Variants in FARS2 observed in about 807,000 individuals in gnomAD.
The protein encoded by FARS2 is phenylalanine--tRNA ligase, mitochondrial.
A neutral mutation model predicts 46.4 loss-of-function variants in FARS2; 40 were observed. That is an observed-to-expected ratio of 0.86 (90% confidence interval 0.67 to 1.12). The LOEUF is 1.12. FARS2 is among the 50% of genes most tolerant of loss of function. The pLI is 0.00. For missense variants in FARS2, 513 were observed against 567.9 expected, an observed-to-expected ratio of 0.90 and a Z score of 0.98; for synonymous variants, 234 against 214.9, an observed-to-expected ratio of 1.09 and a Z score of -0.78.
chr6:5,425,458 A>G (rs73350601), intron 3 of FARS2, among the ~76,000 whole-genome samples: 1,623 of 152,302 alleles, frequency 0.011, 35 homozygotes, highest in African/African-American at 0.037. Context: ...AAATGTTTAT[A>G]GTATGTCAGA....
intron 2 of FARS2, among the ~76,000 whole-genome samples, chr6:5,404,267 C>T (rs557488023): frequency 2.0e-3 from 302 of 152,306 alleles, no homozygotes; most frequent in Non-Finnish European, 3.0e-3. Context: ...TTGTTGGGAA[C>T]TGACTATAAG....
intron 3 of FARS2, among the ~76,000 whole-genome samples, chr6:5,415,913 T>TC (rs1447348971): frequency 6.6e-6 from 1 of 151,976 alleles, no homozygotes; most frequent in Non-Finnish European, 1.5e-5. Context: ...CACTATATTG[T>TC]CCAGGCTGGT....
At chr6:5,331,106 A>T (rs1415463460) in intron 1 of FARS2, among the ~76,000 whole-genome samples, 2 of 149,248 alleles carry the variant, frequency 1.3e-5, no homozygotes, top group Non-Finnish European at 3.0e-5. Context: ...CTCCGTTTAA[A>T]AAAAAAAAAA....
rs1425598310 is a variant in FARS2, at chr6:5,502,978, G to A, written c.905-42202G>A. On this transcript the variant is annotated intron_variant, in intron 4 of 6. Transcript: ENST00000274680. ...TCATTTTGTCAAAGGTAACACACCT[G>A]ATTGTGCGTGTGATTGTAAATCCAT... Among the ~76,000 whole-genome samples, 5 of 152,130 alleles carry A rather than the reference G, an allele frequency of 3.3e-5. No individual in the cohort carries two copies. The East Asian group carries it at 9.6e-4, about 29-fold the overall frequency.
At chr6:5,631,710 T>A (rs1232545845) in intron 6 of FARS2, among the ~76,000 whole-genome samples, 1 of 152,244 alleles carries the variant, frequency 6.6e-6, no homozygotes, top group Non-Finnish European at 1.5e-5. Flanking sequence ...CTGTACCATG[T>A]GACCCGCTTT....
At chr6:5,405,693 C>T (rs1439351249) in intron 3 of FARS2, among the ~76,000 whole-genome samples, 5 of 151,766 alleles carry the variant, frequency 3.3e-5, no homozygotes, top group Non-Finnish European at 5.9e-5. Context: ...AGGGTTTCAC[C>T]GTGTTTGCCA....
chr6:5,669,201 C>T (rs914509337), intron 6 of FARS2, among the ~76,000 whole-genome samples: 1 of 152,168 alleles, frequency 6.6e-6, no homozygotes, highest in African/African-American at 2.4e-5. Flanking sequence ...CATTCCTTGA[C>T]ACGGAGCAGA....
chr6:5,402,243 A>G (rs1050505227), intron 2 of FARS2, among the ~76,000 whole-genome samples: 19 of 127,784 alleles, frequency 1.5e-4, no homozygotes, highest in Non-Finnish European at 1.7e-4. Flanking sequence ...TCTGAGTTAA[A>G]TCAATTCTCT....
At chr6:5,270,742 G>A (rs1765884986) in intron 1 of FARS2, among the ~76,000 whole-genome samples, 1 of 152,154 alleles carries the variant, frequency 6.6e-6, no homozygotes, top group African/African-American at 2.4e-5. Context: ...ATGAGACCCT[G>A]ACGACTATGG....
At chr6:5,709,281 G>C (rs1758950848) in intron 6 of FARS2, among the ~76,000 whole-genome samples, 1 of 151,654 alleles carries the variant, frequency 6.6e-6, no homozygotes, top group Non-Finnish European at 1.5e-5. Context: ...CCTGGCAGGT[G>C]GGCCCGAGCA....
chr6:5,344,008 C>T (rs1287190514), intron 1 of FARS2, among the ~76,000 whole-genome samples: 3 of 152,220 alleles, frequency 2.0e-5, no homozygotes, highest in African/African-American at 7.2e-5. Context: ...ACAGCTGTGC[C>T]TTCCGTGCTT....
chr6:5,678,102 G>A (rs963846292), intron 6 of FARS2, among the ~76,000 whole-genome samples: 26 of 152,152 alleles, frequency 1.7e-4, no homozygotes, highest in African/African-American at 6.0e-4. Context: ...CGTAGAAAGG[G>A]GGAACTCAGT....
At chr6:5,490,878 A>T (rs768864831) in intron 4 of FARS2, among the ~76,000 whole-genome samples, 2 of 152,214 alleles carry the variant, frequency 1.3e-5, no homozygotes, top group Non-Finnish European at 2.9e-5. Flanking sequence ...ATACCTCCAG[A>T]TGCCTGCAGC....
At chr6:5,383,315 C>T (rs1173449583) in intron 2 of FARS2, among the ~76,000 whole-genome samples, 1 of 152,184 alleles carries the variant, frequency 6.6e-6, no homozygotes, top group Non-Finnish European at 1.5e-5. Context: ...CTTTTTTACC[C>T]TTTAGGACTG....
At position 5,294,119 on chromosome 6, in the gene FARS2, A is replaced by T. The variant is rs146266406; in HGVS notation, c.-22+32459A>T. ...AATAAAGAGGTATGTTTTATAGTTA[A>T]TTCAGGAACAGGTGCCCTATTTGTG... On this transcript the variant is annotated intron_variant, in intron 1 of 6. Transcript: ENST00000274680. Among the ~76,000 whole-genome samples, 17 of 152,358 alleles carry T rather than the reference A, an allele frequency of 1.1e-4. No individual in the cohort carries two copies. The East Asian group carries it at 3.1e-3, about 28-fold the overall frequency.
chr6:5,731,580 C>A (rs1055983877), intron 6 of FARS2, among the ~76,000 whole-genome samples: 1 of 152,122 alleles, frequency 6.6e-6, no homozygotes, highest in African/African-American at 2.4e-5. Context: ...TTCTGTTGTA[C>A]CCTTTGATCT....
intron 1 of FARS2, among the ~76,000 whole-genome samples, chr6:5,274,347 A>G (rs1190412481): frequency 6.6e-6 from 1 of 152,196 alleles, no homozygotes; most frequent in Non-Finnish European, 1.5e-5. Context: ...TTTACCAGAT[A>G]CTTGTTTGTC....
intron 6 of FARS2, among the ~76,000 whole-genome samples, chr6:5,709,735 T>TGTGC (rs1759017181): frequency 2.6e-5 from 3 of 114,646 alleles, no homozygotes; most frequent in African/African-American, 9.8e-5. Flanking sequence ...TGGGGTTGTG[T>TGTGC]GTGTGTGTGT....
At chr6:5,401,767 T>C (rs528854567) in intron 2 of FARS2, among the ~76,000 whole-genome samples, 1 of 152,150 alleles carries the variant, frequency 6.6e-6, no homozygotes, top group Non-Finnish European at 1.5e-5. Context: ...AAAACTGAGT[T>C]GTTTGAAAAT....
Sources: gnomAD v4.1 joint callset for allele counts (sites outside exome capture counted in the v4.1 genomes callset) on GRCh38, gnomAD v4.1.1 for gene constraint, MANE v1.5 for transcripts, NCBI Gene and HGNC (gene_info 2026-07-23, HGNC 2026-07-21) for gene names.